Variants in DCLK2 observed in about 807,000 individuals in gnomAD.
DCLK2 encodes the protein doublecortin like kinase 2, also known as serine/threonine-protein kinase DCLK2.
A neutral mutation model predicts 78.4 loss-of-function variants in DCLK2; 31 were observed. That is an observed-to-expected ratio of 0.40 (90% CI 0.30 to 0.53). The LOEUF (loss-of-function observed/expected upper bound fraction) is 0.53, where lower values mean the gene tolerates loss of function less well. Ranked by LOEUF, DCLK2 falls within the 20% of genes least tolerant of loss-of-function variation. The pLI is 0.61. For missense variants in DCLK2, 872 were observed against 973.7 expected, an observed-to-expected ratio of 0.90 and a Z score of 1.39; for synonymous variants, 407 against 374.9, an observed-to-expected ratio of 1.09 and a Z score of -0.99.
chr4:150,219,041 G>A lies in DCLK2; in HGVS notation c.1057-1662G>A, dbSNP rs373856711. Among the ~76,000 whole-genome samples, 36 of 151,868 alleles carry A rather than the reference G, an allele frequency of 2.4e-4. 1 individual carries two copies. The highest frequency in any genetic ancestry group is 3.4e-3 in the Middle Eastern group (1 of 294). On this transcript the variant is annotated intron_variant, in intron 5 of 15. Coordinates refer to ENST00000296550, the MANE Select transcript of DCLK2 (RefSeq NM_001040260.4). ...AAACACAGTGAGACCCTGTCTCTAC[G>A]AAAAATGCAAAAATTAGCTGGGTGT...
At chr4:150,250,882 T>TCCCCCACACCCCCCACATC (rs1305137109) in intron 15 of DCLK2, among the ~76,000 whole-genome samples, 1 of 7,354 alleles carries the variant, frequency 1.4e-4, no homozygotes, top group African/African-American at 4.6e-4. Flanking sequence ...TCCCCCACAC[T>TCCCCCACACCCCCCACATC]CCCCACACCC....
rs144582177 is a variant in DCLK2, at chr4:150,078,863, G to A, written c.-165G>A. ...TTTTAGCTGAGGGCGCGGGCGGGTC[G>A]GCTCCTCCGCGGCTCCTCGGCCCCA... is the stretch of plus-strand genomic sequence containing the variant. On this transcript the variant is annotated 5_prime_UTR_variant, in exon 1 of 16. Coordinates refer to ENST00000296550, the MANE Select transcript of DCLK2 (RefSeq NM_001040260.4). The A allele has an allele frequency of 5.0e-3, 4,399 of 873,376 alleles. 23 individuals carry two copies. The highest frequency in any genetic ancestry group is 5.7e-3 in the Non-Finnish European group (3,500 of 617,018). 54.1% of individuals were successfully genotyped at this position (873,376 alleles called of 1,614,324 possible). A position where few individuals can be genotyped will look rare whatever the true frequency, so the allele number is the denominator to read the frequency against.
rs1442079710 is a variant in DCLK2, at chr4:150,139,201, C to T, written c.756+36389C>T. Among the ~76,000 whole-genome samples the T allele has an allele frequency of 2.6e-5, 4 of 152,054 alleles. No individual in the cohort carries two copies. In the East Asian group the frequency reaches 7.7e-4, roughly 29 times the overall value. On this transcript the variant is annotated intron_variant, in intron 2 of 15. Coordinates refer to ENST00000296550, the MANE Select transcript of DCLK2 (RefSeq NM_001040260.4). ...TTATTTAAATGTGAGAATTATTTTA[C>T]AAATATAAATTAATCAGTCAAACAT...
At position 150,175,011 on chromosome 4, in the gene DCLK2, A is replaced by AAAAAAAATATAT. The variant is rs1454035697; in HGVS notation, c.757-18126_757-18125insAAAAAATATATA. Among the ~76,000 whole-genome samples the AAAAAAAATATAT allele has an allele frequency of 6.9e-3, 69 of 9,970 alleles. 23 individuals are homozygous for AAAAAAAATATAT. The highest frequency in any genetic ancestry group is 0.016 in the South Asian group (6 of 380). 6.5% of individuals were successfully genotyped at this position (9,970 alleles called of 152,430 possible). On this transcript the variant is annotated intron_variant, in intron 2 of 15. Transcript: ENST00000296550. ...AGACTCCGTCGCAAAAAAAAAAAAAAATATATATATATATATATATATTTA... is the reference window on the plus strand; with the variant it reads ...AGACTCCGTCGCAAAAAAAAAAAAAAAAAAAAATATATATATATATATATATATATATATTTA...
chr4:150,119,214 A>G (rs538175508), intron 2 of DCLK2, among the ~76,000 whole-genome samples: 12 of 152,260 alleles, frequency 7.9e-5, no homozygotes, highest in African/African-American at 2.9e-4. Context: ...GAATGACTGA[A>G]TAATGTTAAA....
rs1472756655 is a variant in DCLK2 at position 150,208,384 on chromosome 4, CGGAGTTTTTTTTT to C, written c.1056+4496_1056+4508del. On this transcript the variant is annotated intron_variant, in intron 5 of 15. Transcript: ENST00000296550. ...TTGTTTAGTCTTCAAGATGGAGAAA[CGGAGTTTTTTTTT>C]TTGTTTTTGTTTTGTTTTGTTTTGT... Among the ~76,000 whole-genome samples the C allele has an allele frequency of 2.0e-5, 3 of 148,010 alleles. No homozygotes were observed. The Admixed American group carries it at 2.1e-4, about 10-fold the overall frequency.
intron 2 of DCLK2, among the ~76,000 whole-genome samples, chr4:150,149,179 C>A (rs985324048): frequency 2.0e-5 from 3 of 151,750 alleles, no homozygotes; most frequent in African/African-American, 7.3e-5. Context: ...TTTATCAGAC[C>A]CCCCACCCCT....
At chr4:150,093,256 TAAAG>T (rs1730219942) in intron 1 of DCLK2, among the ~76,000 whole-genome samples, 1 of 152,210 alleles carries the variant, frequency 6.6e-6, no homozygotes, top group Non-Finnish European at 1.5e-5. Flanking sequence ...TGAAGGAAGT[TAAAG>T]AATACACAAA....
chr4:150,119,435 G>A (rs1383061205), intron 2 of DCLK2, among the ~76,000 whole-genome samples: 1 of 152,174 alleles, frequency 6.6e-6, no homozygotes, highest in Non-Finnish European at 1.5e-5. Context: ...CAAAGCTGTA[G>A]ACAAAAAGTT....
chr4:150,246,685 G>A lies in DCLK2; in HGVS notation c.1779-918G>A, dbSNP rs986853984. ...CATCGATGCACCCACCAAGTGAGGG[G>A]GCTGTGGAGGTGAGGTTATATGGGA... is the stretch of plus-strand genomic sequence containing the variant. On this transcript the variant is annotated intron_variant, in intron 12 of 15. Transcript: ENST00000296550. Among the ~76,000 whole-genome samples the A allele has an allele frequency of 4.0e-4, 61 of 152,270 alleles. 1 individual carries two copies. Among genetic ancestry groups the A allele is most frequent in the Admixed American group, 3.1e-3 (48 of 15,306 alleles).
Position 150,239,765 on chromosome 4 carries a change from C to A in DCLK2, c.1590C>A (p.Thr530=). 1 of 1,614,122 alleles carries A rather than the reference C, an allele frequency of 6.2e-7. No individual in the cohort carries two copies. Among genetic ancestry groups the A allele is most frequent in the Non-Finnish European group, 8.5e-7 (1 of 1,180,012 alleles). The change falls in exon 11 of 16, where the codon ACC becomes ACA. Residue 530 remains threonine (T), a synonymous_variant. Coordinates refer to ENST00000296550, the MANE Select transcript of DCLK2 (RefSeq NM_001040260.4). ...AGGTGTGTGAATATCCTGATGGAAC[C>A]AAGTCTTTGAAACTGGGAGACTTTG... ...NLLVCEYPDG[T]KSLKLGDFGL...
At chr4:150,137,464 A>G (rs911040625) in intron 2 of DCLK2, among the ~76,000 whole-genome samples, 2 of 152,224 alleles carry the variant, frequency 1.3e-5, no homozygotes, top group Middle Eastern at 3.4e-3. Flanking sequence ...TGAAATCCCT[A>G]CAAAGGACAT....
intron 5 of DCLK2, 140 bp from the exon 6 acceptor site, chr4:150,220,563 G>A (rs1029640660): frequency 1.6e-6 from 1 of 635,084 alleles, no homozygotes; most frequent in Non-Finnish European, 2.8e-6. Flanking sequence ...AAGGAGAGAG[G>A]TGAGATGAGA....
intron 2 of DCLK2, among the ~76,000 whole-genome samples, chr4:150,156,698 A>G (rs946854869): frequency 2.0e-5 from 3 of 151,648 alleles, no homozygotes; most frequent in Non-Finnish European, 2.9e-5. Flanking sequence ...ACATGTCCAC[A>G]CACCAAAAGA....
At chr4:150,181,239 C>T (rs933196967) in intron 2 of DCLK2, among the ~76,000 whole-genome samples, 3 of 152,096 alleles carry the variant, frequency 2.0e-5, no homozygotes, top group Admixed American at 1.3e-4. Context: ...TACCGTGATC[C>T]TTACGATGGG....
At chr4:150,129,003 C>G (rs1263129036) in intron 2 of DCLK2, among the ~76,000 whole-genome samples, 1 of 152,104 alleles carries the variant, frequency 6.6e-6, no homozygotes, top group Non-Finnish European at 1.5e-5. Flanking sequence ...TAAACACTAC[C>G]TTTTAATATG....
chr4:150,090,141 C>T lies in DCLK2; in HGVS notation c.421+10693C>T, dbSNP rs1020911722. Among the ~76,000 whole-genome samples the T allele has an allele frequency of 9.2e-5, 14 of 152,358 alleles. No homozygotes were observed. The Middle Eastern group carries it at 0.014, about 148-fold the overall frequency. On this transcript the variant is annotated intron_variant, in intron 1 of 15. Transcript: ENST00000296550. The stretch of plus-strand genomic sequence containing the variant: ...GCCCTATGGGCTGGGCACGGTGGCT[C>T]ATGCCTGTAATCCCAGCACTTTGGG...
At chr4:150,225,227 C>G (rs1741511199) in intron 8 of DCLK2, among the ~76,000 whole-genome samples, 1 of 152,200 alleles carries the variant, frequency 6.6e-6, no homozygotes, top group South Asian at 2.1e-4. Context: ...TCTTTGTGTT[C>G]CAAGGGTGTT....
At position 150,102,530 on chromosome 4, in the gene DCLK2, C is replaced by T. The variant is rs755734967; in HGVS notation, c.474C>T (p.Thr158=). Reference sequence around the variant, plus strand: ...AACCATTTCGTAAAGTCGATTACACCAAAAATATTAATCCAAACTGGTCTG... The same window carrying T: ...AACCATTTCGTAAAGTCGATTACACTAAAAATATTAATCCAAACTGGTCTG... ...SNEPFRKVDY[T]KNINPNWSVN... Residue 158 remains threonine, a synonymous_variant, in exon 2 of 16, where the codon ACC becomes ACT. Transcript: ENST00000296550. 1.2e-6 allele frequency: 2 copies of T among 1,614,018 alleles called. No homozygotes were observed. Among genetic ancestry groups the T allele is most frequent in the Non-Finnish European group, 8.5e-7 (1 of 1,179,988 alleles).
Sources: allele counts gnomAD v4.1 joint callset (sites outside exome capture counted in the v4.1 genomes callset), GRCh38; gene constraint gnomAD v4.1.1; transcripts MANE v1.5; gene names NCBI Gene and HGNC (gene_info 2026-07-23, HGNC 2026-07-21).